PRKN: variants seen among roughly 807,000 people sequenced by gnomAD.
The protein encoded by PRKN is E3 ubiquitin-protein ligase parkin.
In PRKN, 56 loss-of-function variants were observed where a neutral mutation model predicts 59.5. That is an observed-to-expected ratio of 0.94 (90% CI 0.76 to 1.18). The LOEUF is 1.18. Among genes scored for constraint, PRKN ranks in the 50% most tolerant of loss-of-function variants. The pLI is 0.00. For missense variants in PRKN, 657 were observed against 596.4 expected (o/e 1.10, Z -1.06); for synonymous variants, 250 against 222.1 (o/e 1.13, Z -1.12).
intron 2 of PRKN, among the ~76,000 whole-genome samples, chr6:162,342,607 T>G (rs1162110820): frequency 6.6e-6 from 1 of 152,082 alleles, no homozygotes; most frequent in Non-Finnish European, 1.5e-5. Flanking sequence ...AATAATTAAG[T>G]GTCTACTATG....
intron 2 of PRKN, among the ~76,000 whole-genome samples, chr6:162,298,365 C>G (rs1168353483): frequency 1.3e-5 from 2 of 151,404 alleles, no homozygotes; most frequent in African/African-American, 4.8e-5. Context: ...CCCTAAAGAC[C>G]TAACAATAGT....
intron 6 of PRKN, among the ~76,000 whole-genome samples, chr6:161,957,120 A>T (rs1388222608): frequency 6.6e-6 from 1 of 152,232 alleles, no homozygotes; most frequent in African/African-American, 2.4e-5. Context: ...TCATACGTGT[A>T]AAGTCTTGCA....
At chr6:161,739,281 G>C (rs114774209) in intron 7 of PRKN, among the ~76,000 whole-genome samples, 1 of 152,186 alleles carries the variant, frequency 6.6e-6, no homozygotes, top group African/African-American at 2.4e-5. Flanking sequence ...GGTGGCGTAT[G>C]CATGTAATCC....
In PRKN at chr6:161,414,058, G is replaced by A. The variant is rs1277126749; in HGVS notation, c.1084-27181C>T. Among the ~76,000 whole-genome samples, 1 of 152,150 alleles carries A rather than the reference G, an allele frequency of 6.6e-6. No individual in the cohort carries two copies. Among genetic ancestry groups the A allele is most frequent in the Non-Finnish European group, 1.5e-5 (1 of 68,036 alleles). On this transcript the variant is annotated intron_variant, in intron 9 of 11. Coordinates refer to ENST00000366898, the MANE Select transcript of PRKN (RefSeq NM_004562.3). The surrounding 1 kb of genome is among the most constrained non-coding windows in gnomAD (Gnocchi z 5.3). ...CCTCGACAGCACTGTGTCCTGGGCCGAGGTGGGGAGGGTCAGTGAGGGCAG... is the reference window on the plus strand; with the variant it reads ...CCTCGACAGCACTGTGTCCTGGGCCAAGGTGGGGAGGGTCAGTGAGGGCAG...
chr6:161,853,270 T>G (rs1429728884), intron 6 of PRKN, among the ~76,000 whole-genome samples: 3 of 152,206 alleles, frequency 2.0e-5, no homozygotes, highest in Admixed American at 2.0e-4. Context: ...CCTGGTTTTA[T>G]GTGAATATTG....
chr6:162,590,995 G>A (rs1278277544), intron 1 of PRKN, among the ~76,000 whole-genome samples: 1 of 152,036 alleles, frequency 6.6e-6, no homozygotes, highest in African/African-American at 2.4e-5. Flanking sequence ...ATAGACACAG[G>A]TGGTCACTGT....
Position 161,545,101 on chromosome 6 carries a change from A to T in PRKN, c.1083+3753T>A. Reference sequence around the variant, plus strand: ...GCTCCGAACAATTTTAAATCCCACAAATGACAGAGAATTTGGTTTTCAACT... The same window carrying T: ...GCTCCGAACAATTTTAAATCCCACATATGACAGAGAATTTGGTTTTCAACT... On this transcript the variant is annotated intron_variant, in intron 9 of 11. Coordinates refer to ENST00000366898, the MANE Select transcript of PRKN (RefSeq NM_004562.3). The surrounding 1 kb of genome is among the most constrained non-coding windows in gnomAD (Gnocchi z 4.1). The T allele has an allele frequency of 1.7e-6, 2 of 1,206,660 alleles. No homozygotes were observed. The highest frequency in any genetic ancestry group is 4.0e-5 in the Admixed American group (1 of 24,994). 74.7% of individuals were successfully genotyped at this position (1,206,660 alleles called of 1,614,324 possible).
chr6:162,176,983 G>A (rs1185765620), intron 4 of PRKN, among the ~76,000 whole-genome samples: 2 of 147,332 alleles, frequency 1.4e-5, no homozygotes, highest in East Asian at 2.0e-4. Flanking sequence ...GCAAAAGTGT[G>A]AATTATTACA....
At chr6:162,132,425 A>C (rs117482850) in intron 4 of PRKN, among the ~76,000 whole-genome samples, 1 of 152,252 alleles carries the variant, frequency 6.6e-6, no homozygotes, top group Non-Finnish European at 1.5e-5. Context: ...CTGCATTCAG[A>C]GTCTCCTCCT....
intron 1 of PRKN, among the ~76,000 whole-genome samples, chr6:162,710,374 A>AACACAC (rs138911423): frequency 0.18 from 21,966 of 125,124 alleles, 2,201 homozygotes; most frequent in East Asian, 0.34. Context: ...ACCCCCTACA[A>AACACAC]ACACACACAC....
At chr6:161,730,219 GTGTTGCATTCTTTCTGATA>G (rs1335233928) in intron 7 of PRKN, among the ~76,000 whole-genome samples, 1 of 150,662 alleles carries the variant, frequency 6.6e-6, no homozygotes, top group Non-Finnish European at 1.5e-5. Flanking sequence ...GCATTCTGAT[GTGTTGCATTCTTTCTGATA>G]TGTTGCAGTC....
At chr6:162,343,618 C>T (rs1164278497) in intron 2 of PRKN, among the ~76,000 whole-genome samples, 2 of 152,234 alleles carry the variant, frequency 1.3e-5, no homozygotes, top group Admixed American at 1.3e-4. Context: ...GATCAAACAA[C>T]ATTTAACTTT....
At chr6:161,646,034 T>C (rs1314095690) in intron 7 of PRKN, among the ~76,000 whole-genome samples, 83 of 92,164 alleles carry the variant, frequency 9.0e-4, no homozygotes, top group African/African-American at 2.6e-3. Flanking sequence ...TGACTGCGTG[T>C]GCATGCGTGG....
At chr6:162,633,628 A>T (rs1777600525) in intron 1 of PRKN, among the ~76,000 whole-genome samples, 1 of 152,008 alleles carries the variant, frequency 6.6e-6, no homozygotes, top group African/African-American at 2.4e-5. Flanking sequence ...AGATTGCCTG[A>T]GTTTTGTCCC....
chr6:161,891,020 C>T (rs530668419), intron 6 of PRKN, among the ~76,000 whole-genome samples: 22 of 152,298 alleles, frequency 1.4e-4, no homozygotes, highest in African/African-American at 5.3e-4. Context: ...GGAGATTTCA[C>T]TCTTGCTACA....
chr6:162,618,350 G>A (rs1483313907), intron 1 of PRKN, among the ~76,000 whole-genome samples: 1 of 152,050 alleles, frequency 6.6e-6, no homozygotes, highest in Non-Finnish European at 1.5e-5. Flanking sequence ...TATTTTAAGC[G>A]CTACTTGGTA....
intron 5 of PRKN, among the ~76,000 whole-genome samples, chr6:162,053,755 T>C (rs1168100246): frequency 1.3e-5 from 2 of 152,168 alleles, no homozygotes; most frequent in African/African-American, 4.8e-5. Flanking sequence ...AATCTCATGC[T>C]TCTGTAATTT....
intron 6 of PRKN, among the ~76,000 whole-genome samples, chr6:161,915,940 T>C (rs998983293): frequency 2.0e-5 from 3 of 152,214 alleles, no homozygotes; most frequent in Non-Finnish European, 4.4e-5. Context: ...AGGATGATCA[T>C]GGCTGCGAGG....
In PRKN at chr6:161,459,883, T is replaced by C. The variant is rs1401945917; in HGVS notation, c.1084-73006A>G. ...TCAGCAGAAACTATTATATTGAAAG[T>C]TGGTTTCTTGGTGCTGCTTACATTA... On this transcript the variant is annotated intron_variant, in intron 9 of 11. Transcript: ENST00000366898. This position sits in a 1 kb window ranked among gnomAD's most constrained non-coding sequence, Gnocchi z 4.8. Among the ~76,000 whole-genome samples the C allele has an allele frequency of 6.6e-6, 1 of 152,166 alleles. No homozygotes were observed. Among genetic ancestry groups the C allele is most frequent in the Non-Finnish European group, 1.5e-5 (1 of 68,020 alleles).
Sources: gnomAD v4.1 joint callset for allele counts (sites outside exome capture counted in the v4.1 genomes callset) on GRCh38, gnomAD v4.1.1 for gene constraint, Gnocchi (gnomAD v3.1) non-coding constraint, MANE v1.5 for transcripts, NCBI Gene and HGNC (gene_info 2026-07-23, HGNC 2026-07-21) for gene names.